Variants in ATP2C1 observed in about 807,000 individuals in gnomAD.
ATP2C1 encodes calcium-transporting ATPase type 2C member 1.
A neutral mutation model predicts 120.5 loss-of-function variants in ATP2C1; 31 were observed. The ratio of observed to expected loss-of-function variants is 0.26; its 90% CI spans 0.19 to 0.35. ATP2C1 has a LOEUF of 0.35. Among genes scored for constraint, ATP2C1 ranks in the 10% least tolerant of loss-of-function variants. The pLI is 1.00. For synonymous variants in ATP2C1, 351 were observed against 358.7 expected, an observed-to-expected ratio of 0.98 and a Z score of 0.24; for missense variants, 731 against 1,107.5, an observed-to-expected ratio of 0.66 and a Z score of 4.83.
chr3:130,853,759 G>A (rs1052598873), intron 1 of ATP2C1, among the ~76,000 whole-genome samples: 5 of 152,014 alleles, frequency 3.3e-5, no homozygotes, highest in Admixed American at 1.3e-4. Flanking sequence ...GTCGATATTC[G>A]TGCACCCATG....
rs755796053 is a variant in ATP2C1, at chr3:130,967,229, A to G, written c.1207A>G (p.Arg403Gly). Reference sequence around the variant, plus strand: ...TGGATTCTATAACCCAGCTGTTAGCAGAATTGTTGAGGTAAATATTTTTTT... The same window carrying G: ...TGGATTCTATAACCCAGCTGTTAGCGGAATTGTTGAGGTAAATATTTTTTT... The part of the protein sequence containing the change: ...VHGFYNPAVS[R>G]IVEAGCVCND... The change falls in exon 15 of 28, where the codon AGA becomes GGA. Residue 403 changes from arginine (R) to glycine (G), a missense_variant. Arg to Gly is a moderately radical substitution (Grantham distance 125, BLOSUM62 -2). Coordinates refer to ENST00000510168, the MANE Select transcript of ATP2C1 (RefSeq NM_001378687.1). 6.2e-7 allele frequency: 1 copy of G among 1,613,748 alleles called. No homozygotes were observed. The highest frequency in any genetic ancestry group is 2.2e-5 in the East Asian group (1 of 44,858).
rs1052175554 is a variant in ATP2C1 at position 131,002,966 on chromosome 3, T to C, written c.*1616T>C. ...CTAATCAACTCTATCATTAGTGACT[T>C]GATGTCTCATACCTTAATTTTGTAA... is the stretch of plus-strand genomic sequence containing the variant. On this transcript the variant is annotated 3_prime_UTR_variant, in exon 28 of 28. Transcript: ENST00000510168. 1 of 985,640 alleles carries C rather than the reference T, an allele frequency of 1.0e-6. No individual in the cohort carries two copies. The highest frequency in any genetic ancestry group is 1.7e-5 in the African/African-American group (1 of 57,242). 61.1% of individuals were successfully genotyped at this position (985,640 alleles called of 1,614,324 possible). A position where few individuals can be genotyped will look rare whatever the true frequency, so the allele number is the denominator to read the frequency against.
intron 1 of ATP2C1, among the ~76,000 whole-genome samples, chr3:130,866,432 T>C (rs1447508382): frequency 6.6e-6 from 1 of 152,230 alleles, no homozygotes; most frequent in Non-Finnish European, 1.5e-5. Context: ...TATCCTTACT[T>C]TGTGAAGCTT....
chr3:130,859,501 G>T (rs1163691294), intron 1 of ATP2C1, among the ~76,000 whole-genome samples: 2 of 152,334 alleles, frequency 1.3e-5, no homozygotes, highest in Admixed American at 6.5e-5. Context: ...GGGGTGCCAA[G>T]AAATTTCAGG....
chr3:131,007,189 T>C (rs1175944231), downstream of ATP2C1, among the ~76,000 whole-genome samples: 4 of 152,228 alleles, frequency 2.6e-5, no homozygotes, highest in Non-Finnish European at 5.9e-5. Context: ...GAAATCCTTT[T>C]CTAATGTAAA....
chr3:130,997,840 G>A, intron 25 of ATP2C1, 87 bp downstream of exon 25: 5 of 1,470,798 alleles, frequency 3.4e-6, no homozygotes, highest in Non-Finnish European at 4.7e-6. Flanking sequence ...TACCCAGAAG[G>A]CTGGGAAGTT....
chr3:130,888,007 G>A (rs1340947527), intron 1 of ATP2C1, among the ~76,000 whole-genome samples: 2 of 152,136 alleles, frequency 1.3e-5, no homozygotes, highest in Admixed American at 6.5e-5. Flanking sequence ...TGGGTATTGC[G>A]GCTGATTATT....
At chr3:130,941,244 G>GTA (rs2059894526) in intron 7 of ATP2C1, among the ~76,000 whole-genome samples, 3 of 149,088 alleles carry the variant, frequency 2.0e-5, no homozygotes, top group African/African-American at 7.5e-5. Flanking sequence ...GTGTGTGTGT[G>GTA]TGTGTGTGTG....
At chr3:130,864,171 G>C (rs372843054) in intron 1 of ATP2C1, among the ~76,000 whole-genome samples, 2 of 152,230 alleles carry the variant, frequency 1.3e-5, no homozygotes, top group East Asian at 3.8e-4. Context: ...GTCTCAGATG[G>C]AGATGAGGAA....
In ATP2C1 at chr3:130,994,073, G is replaced by A. The variant is rs757775566; in HGVS notation, c.2032G>A (p.Val678Met). ...VCKEAADMIL[V>M]DDDFQTIMSA... Reference sequence around the variant, plus strand: ...CAAAGAGGCAGCAGACATGATCCTAGTGGATGATGATTTTCAAACCATAAT... The same window carrying A: ...CAAAGAGGCAGCAGACATGATCCTAATGGATGATGATTTTCAAACCATAAT... The change falls in exon 22 of 28, where the codon GTG becomes ATG. Residue 678 changes from valine to methionine, a missense_variant. By Grantham distance (21) the Val-to-Met change is conservative. This residue lies in a region of ATP2C1 where 571 missense variants were observed against 845.9 expected (regional missense o/e 0.67). Coordinates refer to ENST00000510168, the MANE Select transcript of ATP2C1 (RefSeq NM_001378687.1). The A allele has an allele frequency of 6.2e-7, 1 of 1,614,122 alleles. No individual in the cohort carries two copies. Among genetic ancestry groups the A allele is most frequent in the Non-Finnish European group, 8.5e-7 (1 of 1,180,000 alleles).
chr3:130,938,198 TTAA>T (rs1392865754), intron 6 of ATP2C1, among the ~76,000 whole-genome samples: 1 of 152,210 alleles, frequency 6.6e-6, no homozygotes, highest in African/African-American at 2.4e-5. Context: ...AAGATTTCTA[TTAA>T]TAAGTACAGA....
chr3:130,962,663 C>T (rs560648142), intron 12 of ATP2C1, among the ~76,000 whole-genome samples: 13 of 137,908 alleles, frequency 9.4e-5, no homozygotes, highest in Admixed American at 2.3e-4. Context: ...TGAAAAGATT[C>T]GTTGTATCTA....
At chr3:130,988,783 GC>G (rs899638152) in intron 20 of ATP2C1, among the ~76,000 whole-genome samples, 22 of 152,272 alleles carry the variant, frequency 1.4e-4, no homozygotes, top group African/African-American at 5.3e-4. Context: ...CAGCATTTAG[GC>G]CACATCCTTA....
At chr3:130,892,017 A>G (rs1420421397), upstream of ATP2C1, among the ~76,000 whole-genome samples, 1 of 152,168 alleles carries the variant, frequency 6.6e-6, no homozygotes, top group Non-Finnish European at 1.5e-5. Flanking sequence ...AATAGGAACA[A>G]TGATTTTCAT....
chr3:130,970,357 T>TA (rs1213372986), intron 17 of ATP2C1, among the ~76,000 whole-genome samples: 15 of 105,342 alleles, frequency 1.4e-4, no homozygotes, highest in South Asian at 6.3e-4. Flanking sequence ...ACAGCCTGTC[T>TA]AAAAAAAAAA....
chr3:130,881,014 C>T (rs2068763025), intron 1 of ATP2C1, among the ~76,000 whole-genome samples: 1 of 152,134 alleles, frequency 6.6e-6, no homozygotes, highest in Non-Finnish European at 1.5e-5. Flanking sequence ...GGATAGAAAA[C>T]TTTTAAGTGC....
chr3:130,970,045 C>T (rs929675441), intron 17 of ATP2C1, among the ~76,000 whole-genome samples: 4 of 152,110 alleles, frequency 2.6e-5, no homozygotes, highest in Middle Eastern at 3.2e-3. Context: ...GGGCTGGATG[C>T]GGTAGCTCAC....
At chr3:130,963,516 C>A in intron 12 of ATP2C1, 1 of 193,604 alleles carries the variant, frequency 5.2e-6, no homozygotes, top group Non-Finnish European at 1.1e-5. Context: ...AAGTAATACT[C>A]CATTGCATGG....
chr3:131,008,440 A>AG (rs1246357977), intron 26 of ATP2C1, among the ~76,000 whole-genome samples: 14 of 149,804 alleles, frequency 9.3e-5, no homozygotes, highest in African/African-American at 3.4e-4. Flanking sequence ...AAAAAAAAAA[A>AG]GGAAAGAAAA....
Sources: allele counts gnomAD v4.1 joint callset (sites outside exome capture counted in the v4.1 genomes callset), GRCh38; gene constraint gnomAD v4.1.1; regional missense constraint gnomAD v4.1.1; transcripts MANE v1.5; gene names NCBI Gene and HGNC (gene_info 2026-07-23, HGNC 2026-07-21).